Variants in MAGI1 observed in about 807,000 individuals in gnomAD.
The protein encoded by MAGI1 is membrane-associated guanylate kinase, WW and PDZ domain-containing protein 1.
MAGI1 carries 58 observed loss-of-function variants against 139.9 expected under a neutral mutation model. The observed-to-expected ratio is 0.41, with a 90% CI of 0.34 to 0.52. The LOEUF (loss-of-function observed/expected upper bound fraction) is 0.52. Ranked by LOEUF, MAGI1 falls within the 20% of genes least tolerant of loss-of-function variation. The pLI, the probability that MAGI1 is intolerant of heterozygous loss-of-function variation, is 0.12. For missense variants in MAGI1, 1,874 were observed against 1,901.6 expected (o/e 0.99, Z 0.27); for synonymous variants, 812 against 737.9 (o/e 1.10, Z -1.63).
intron 1 of MAGI1, among the ~76,000 whole-genome samples, chr3:66,000,117 C>T (rs903718316): frequency 8.6e-5 from 13 of 151,754 alleles, no homozygotes; most frequent in African/African-American, 2.9e-4. Context: ...GGACTACAGG[C>T]GCCCGCTACC....
At chr3:65,854,602 T>C (rs1180068867) in intron 1 of MAGI1, among the ~76,000 whole-genome samples, 1 of 152,224 alleles carries the variant, frequency 6.6e-6, no homozygotes, top group African/African-American at 2.4e-5. Context: ...AAAAGCTCAA[T>C]GCTGTTCTTA....
At chr3:66,034,073 C>A (rs976248280) in intron 1 of MAGI1, among the ~76,000 whole-genome samples, 1 of 152,152 alleles carries the variant, frequency 6.6e-6, no homozygotes, top group African/African-American at 2.4e-5. Flanking sequence ...GTTCTTAAAA[C>A]TGAACCCTTG....
intron 5 of MAGI1, among the ~76,000 whole-genome samples, chr3:65,468,396 T>C (rs1950317698): frequency 1.7e-5 from 1 of 57,922 alleles, no homozygotes; most frequent in Non-Finnish European, 3.3e-5. Context: ...TTTTTTTTTT[T>C]GAGACAGAGT....
intron 1 of MAGI1, among the ~76,000 whole-genome samples, chr3:66,002,215 C>A (rs1473446809): frequency 4.6e-5 from 7 of 152,056 alleles, no homozygotes; most frequent in African/African-American, 1.7e-4. Flanking sequence ...AAACACTGGG[C>A]AAATTTGCAG....
chr3:65,868,078 T>A (rs2059792557), intron 1 of MAGI1, among the ~76,000 whole-genome samples: 1 of 152,162 alleles, frequency 6.6e-6, no homozygotes, highest in Admixed American at 6.5e-5. Flanking sequence ...TCTGGAAAGT[T>A]GGCCCTGTTT....
intron 1 of MAGI1, among the ~76,000 whole-genome samples, chr3:65,675,216 G>T (rs75846417): frequency 0.028 from 4,327 of 152,204 alleles, 84 homozygotes; most frequent in Non-Finnish European, 0.042. Flanking sequence ...GTGATGGAAG[G>T]GTGGATGAAA....
chr3:65,971,189 G>A (rs4688617), intron 1 of MAGI1, among the ~76,000 whole-genome samples: 1,528 of 152,316 alleles, frequency 0.01, 59 homozygotes, highest in Admixed American at 0.074. Flanking sequence ...GAAACAGAGC[G>A]AGACTCCGTC....
At chr3:65,576,253 CTGTT>C (rs1389102263) in intron 2 of MAGI1, among the ~76,000 whole-genome samples, 1 of 152,106 alleles carries the variant, frequency 6.6e-6, no homozygotes, top group Non-Finnish European at 1.5e-5. Context: ...TATTAATAAC[CTGTT>C]TGATAATAAT....
chr3:65,962,963 A>G (rs568462460), intron 1 of MAGI1, among the ~76,000 whole-genome samples: 142 of 150,854 alleles, frequency 9.4e-4, no homozygotes, highest in African/African-American at 3.3e-3. Context: ...AAGTTAAAAC[A>G]AGATGAGTTT....
At chr3:65,387,087 A>T (rs1943506121) in intron 14 of MAGI1, 7 of 1,473,256 alleles carry the variant, frequency 4.8e-6, no homozygotes, top group South Asian at 4.6e-5. Flanking sequence ...GACCAATGAG[A>T]ACATCAAACA....
At chr3:65,407,708 T>C (rs1945465114) in intron 12 of MAGI1, among the ~76,000 whole-genome samples, 2 of 152,112 alleles carry the variant, frequency 1.3e-5, no homozygotes, top group African/African-American at 4.8e-5. Context: ...CTAAAGGAAA[T>C]GCACTAAAAT....
chr3:65,903,214 G>A (rs2061310396), intron 1 of MAGI1, among the ~76,000 whole-genome samples: 1 of 152,108 alleles, frequency 6.6e-6, no homozygotes, highest in Non-Finnish European at 1.5e-5. Flanking sequence ...GGCTGGTTCT[G>A]AACTCCTGGG....
chr3:65,553,890 A>G (rs1250859260), intron 2 of MAGI1, among the ~76,000 whole-genome samples: 1 of 152,234 alleles, frequency 6.6e-6, no homozygotes, highest in Non-Finnish European at 1.5e-5. Flanking sequence ...ACAAATGAAG[A>G]AACTGAGAAT....
chr3:65,357,075 C>T lies in MAGI1; in HGVS notation c.3692G>A (p.Arg1231Lys), dbSNP rs1369638511. The T allele has an allele frequency of 6.2e-7, 1 of 1,614,172 alleles. No homozygotes were observed. Residue 1231 changes from arginine (R) to lysine (K), a missense_variant, in exon 23 of 23, where the codon AGG (arginine) becomes AAG (lysine). By Grantham distance (26) the Arg-to-Lys change is conservative. Around this residue, in one of 5 missense-constraint regions of MAGI1, gnomAD observed 653 missense variants for 644.5 expected, o/e 1.01. Transcript: ENST00000402939. ...ATGPQGVPEV[R>K]AGPDRRQHPS... ...ATGCTGCCGGCGGTCGGGCCCGGCC[C>T]TCACTTCCGGAACACCTTGTGGACC...
At chr3:65,862,527 C>A (rs559831125) in intron 1 of MAGI1, among the ~76,000 whole-genome samples, 2 of 152,338 alleles carry the variant, frequency 1.3e-5, no homozygotes, top group South Asian at 4.1e-4. Flanking sequence ...CTTCACCCTG[C>A]ATCACACACC....
chr3:65,769,649 C>T (rs1487097006), intron 1 of MAGI1, among the ~76,000 whole-genome samples: 1 of 152,102 alleles, frequency 6.6e-6, no homozygotes, highest in Non-Finnish European at 1.5e-5. Flanking sequence ...CGGGAAGATA[C>T]TTTATGGAGC....
chr3:65,577,709 G>A (rs554257879), intron 2 of MAGI1, among the ~76,000 whole-genome samples: 1 of 152,116 alleles, frequency 6.6e-6, no homozygotes, highest in South Asian at 2.1e-4. Flanking sequence ...TGAAGAAGAT[G>A]GCTTACACTT....
chr3:65,545,756 T>A (rs1041798817), intron 2 of MAGI1, among the ~76,000 whole-genome samples: 1 of 151,834 alleles, frequency 6.6e-6, no homozygotes, highest in African/African-American at 2.4e-5. Flanking sequence ...TTATAGGAAT[T>A]CCATCTAGTA....
intron 1 of MAGI1, among the ~76,000 whole-genome samples, chr3:65,691,649 G>T (rs1020426539): frequency 6.6e-6 from 1 of 152,118 alleles, no homozygotes; most frequent in African/African-American, 2.4e-5. Flanking sequence ...GTCTACTGCT[G>T]TATTGAGAAA....
Sources: gnomAD v4.1 joint callset for allele counts (sites outside exome capture counted in the v4.1 genomes callset) on GRCh38, gnomAD v4.1.1 for gene constraint, gnomAD v4.1.1 regional missense constraint, MANE v1.5 for transcripts, NCBI Gene and HGNC (gene_info 2026-07-23, HGNC 2026-07-21) for gene names.